GSE1: variants seen among roughly 807,000 people sequenced by gnomAD.
The protein encoded by GSE1 is genetic suppressor element 1.
GSE1 carries 32 observed loss-of-function variants against 112.6 expected under a neutral mutation model. The observed-to-expected ratio is 0.28, with a 90% CI of 0.21 to 0.38. The LOEUF is 0.38. Ranked by LOEUF, GSE1 falls within the 10% of genes least tolerant of loss-of-function variation. The probability of loss-of-function intolerance (pLI) is 1.00; values close to 1 mark genes in which losing one functional copy is unlikely to be tolerated. For synonymous variants in GSE1, 1,115 were observed against 735.6 expected (o/e 1.52, Z -8.35); for missense variants, 2,348 against 1,699.2 (o/e 1.38, Z -6.71).
intron 1 of GSE1, among the ~76,000 whole-genome samples, chr16:85,210,400 T>TA (rs2075204303): frequency 6.6e-6 from 1 of 152,130 alleles, no homozygotes; most frequent in Non-Finnish European, 1.5e-5. Flanking sequence ...GCCCAGGAGT[T>TA]AGAGACCAGC....
intron 1 of GSE1, among the ~76,000 whole-genome samples, chr16:85,622,626 A>T (rs2048813075): frequency 6.6e-6 from 1 of 152,182 alleles, no homozygotes; most frequent in South Asian, 2.1e-4. Flanking sequence ...ACTTTGAACC[A>T]TCTTGAGAGT....
intron 1 of GSE1, among the ~76,000 whole-genome samples, chr16:85,313,869 A>C (rs1478082143): frequency 6.6e-6 from 1 of 152,164 alleles, no homozygotes; most frequent in Non-Finnish European, 1.5e-5. Flanking sequence ...AAGATACATG[A>C]ACAGCAAATG....
intron 2 of GSE1, among the ~76,000 whole-genome samples, chr16:85,471,023 C>G (rs181631738): frequency 6.6e-6 from 1 of 152,232 alleles, no homozygotes; most frequent in Non-Finnish European, 1.5e-5. Context: ...GCTGGGGGCT[C>G]CTACTGCCAC....
At chr16:85,574,954 C>T (rs2046160805) in intron 1 of GSE1, among the ~76,000 whole-genome samples, 1 of 152,186 alleles carries the variant, frequency 6.6e-6, no homozygotes, top group South Asian at 2.1e-4. Flanking sequence ...TGTCTTCGCA[C>T]CCTCCCGACA....
At chr16:85,355,258 G>A (rs1275663254) in intron 1 of GSE1, among the ~76,000 whole-genome samples, 1 of 152,136 alleles carries the variant, frequency 6.6e-6, no homozygotes, top group Non-Finnish European at 1.5e-5. Flanking sequence ...TCAACAGAAA[G>A]TTGCTTTTCC....
At chr16:85,397,312 G>C (rs979442694) in intron 2 of GSE1, among the ~76,000 whole-genome samples, 9 of 152,206 alleles carry the variant, frequency 5.9e-5, no homozygotes, top group Admixed American at 2.6e-4. Context: ...CTCAGGCTGC[G>C]ACCCCCGCTC....
At position 85,284,542 on chromosome 16, in the gene GSE1, A is replaced by G. The variant is rs116045569; in HGVS notation, c.2284-72921A>G. On this transcript the variant is annotated intron_variant, in intron 1 of 2. Transcript: ENST00000637419. ...CACAAAGCCCTGGATTTTCATGTCC[A>G]CCAATTAAGGGATTTGCTGGGTTGA... Among the ~76,000 whole-genome samples the G allele has an allele frequency of 8.5e-3, 1,294 of 152,264 alleles. 11 individuals carry two copies. The highest frequency in any genetic ancestry group is 0.027 in the Middle Eastern group (8 of 294).
At chr16:85,526,030 G>A (rs1450314423) in intron 2 of GSE1, among the ~76,000 whole-genome samples, 2 of 152,202 alleles carry the variant, frequency 1.3e-5, no homozygotes, top group Non-Finnish European at 2.9e-5. Context: ...TCCTGGGACC[G>A]TGCAACTTTC....
At chr16:85,287,026 C>T (rs917646873) in intron 1 of GSE1, among the ~76,000 whole-genome samples, 2 of 152,272 alleles carry the variant, frequency 1.3e-5, no homozygotes, top group African/African-American at 4.8e-5. Flanking sequence ...CCGCCCGCCA[C>T]AGCTGGACTC....
At chr16:85,566,178 C>T (rs1452183441) in intron 1 of GSE1, among the ~76,000 whole-genome samples, 1 of 152,204 alleles carries the variant, frequency 6.6e-6, no homozygotes, top group Non-Finnish European at 1.5e-5. Flanking sequence ...AGCTGTCATG[C>T]TCCCAGCTGC....
At chr16:85,403,679 G>C (rs978781654) in intron 2 of GSE1, among the ~76,000 whole-genome samples, 7 of 152,114 alleles carry the variant, frequency 4.6e-5, no homozygotes, top group African/African-American at 1.7e-4. Flanking sequence ...GCACATGCCT[G>C]TGGTCCCAGC....
chr16:85,545,578 G>A (rs1259443501), intron 2 of GSE1, among the ~76,000 whole-genome samples: 1 of 152,068 alleles, frequency 6.6e-6, no homozygotes, highest in Non-Finnish European at 1.5e-5. Flanking sequence ...GTGACCTTGG[G>A]CAAGTCACTT....
chr16:85,431,246 G>C (rs960444732), intron 2 of GSE1, among the ~76,000 whole-genome samples: 1 of 152,214 alleles, frequency 6.6e-6, no homozygotes. Context: ...CCCCTGGGGT[G>C]AATGTGGAGG....
chr16:85,194,454 A>G (rs1183737795), intron 1 of GSE1, among the ~76,000 whole-genome samples: 1 of 152,156 alleles, frequency 6.6e-6, no homozygotes, highest in Non-Finnish European at 1.5e-5. Context: ...AAAGAGGTTG[A>G]TTGCAAACAA....
intron 1 of GSE1, among the ~76,000 whole-genome samples, chr16:85,280,659 G>T (rs909025862): frequency 6.6e-6 from 1 of 152,172 alleles, no homozygotes; most frequent in Non-Finnish European, 1.5e-5. Flanking sequence ...GCCTCCCAAA[G>T]TGCTGGGATT....
intron 2 of GSE1, among the ~76,000 whole-genome samples, chr16:85,464,240 A>T (rs183832600): frequency 7.9e-5 from 12 of 152,222 alleles, no homozygotes; most frequent in African/African-American, 2.9e-4. Context: ...AGAGGTCGCG[A>T]ACGGTTGATG....
chr16:85,312,577 A>T (rs1310663447), intron 1 of GSE1, among the ~76,000 whole-genome samples: 2 of 152,214 alleles, frequency 1.3e-5, no homozygotes, highest in African/African-American at 4.8e-5. Context: ...CTGGATTTAG[A>T]GCATCTTAAC....
chr16:85,237,068 G>A (rs755785024), intron 1 of GSE1, among the ~76,000 whole-genome samples: 1 of 152,248 alleles, frequency 6.6e-6, no homozygotes, highest in African/African-American at 2.4e-5. Flanking sequence ...GCTCATGCCT[G>A]TAATCTCAGC....
At chr16:85,488,665 A>G (rs2050915712) in intron 2 of GSE1, among the ~76,000 whole-genome samples, 1 of 152,056 alleles carries the variant, frequency 6.6e-6, no homozygotes, top group Non-Finnish European at 1.5e-5. Context: ...GGAGGTCATG[A>G]AGTTGGACTT....
Sources: allele counts gnomAD v4.1 joint callset (sites outside exome capture counted in the v4.1 genomes callset), GRCh38; gene constraint gnomAD v4.1.1; transcripts MANE v1.5; gene names NCBI Gene and HGNC (gene_info 2026-07-23, HGNC 2026-07-21).